Variants in PABPC4L observed in about 807,000 individuals in gnomAD.
PABPC4L encodes the protein polyadenylate-binding protein 4-like.
For synonymous variants in PABPC4L, 169 were observed against 164.1 expected (o/e 1.03, Z -0.23); for missense variants, 452 against 451.4 (o/e 1.00, Z -0.01).
rs1041109041 is a variant in PABPC4L, at chr4:134,200,221, T to G, written c.799A>C (p.Lys267Gln). ...GQLIFVGRAQKKVERQAELKQ... is the reference protein window; with the variant it reads ...GQLIFVGRAQQKVERQAELKQ... ...AACTCAGCCTGTCGCTCGACTTTCT[T>G]TTGAGCCCGGCCTACAAAAATCAGC... Residue 267 changes from lysine to glutamine, a missense_variant, in exon 2 of 2, where the codon AAG becomes CAG. Coordinates refer to ENST00000421491, the MANE Select transcript of PABPC4L (RefSeq NM_001114734.2). 1 of 1,551,922 alleles carries G rather than the reference T, an allele frequency of 6.4e-7. No individual in the cohort carries two copies. The highest frequency in any genetic ancestry group is 2.0e-5 in the Admixed American group (1 of 51,040).
the PABPC4L span, among the ~76,000 whole-genome samples, chr4:134,047,383 A>G: frequency 6.6e-6 from 1 of 152,078 alleles, no homozygotes; most frequent in Non-Finnish European, 1.5e-5. Flanking sequence ...ATACAAAAAG[A>G]GATGATGGAA....
chr4:134,132,577 A>T, the PABPC4L span, among the ~76,000 whole-genome samples: 2 of 151,908 alleles, frequency 1.3e-5, no homozygotes, highest in African/African-American at 4.8e-5. Flanking sequence ...GTTGGACTAG[A>T]TGTGGTAAAA....
the PABPC4L span, among the ~76,000 whole-genome samples, chr4:134,184,988 G>A: frequency 6.6e-6 from 1 of 151,928 alleles, no homozygotes; most frequent in East Asian, 1.9e-4. Flanking sequence ...TTCTTGAGAT[G>A]TCTTCTGCCT....
chr4:134,041,127 C>T, the PABPC4L span, among the ~76,000 whole-genome samples: 1 of 151,920 alleles, frequency 6.6e-6, no homozygotes, highest in African/African-American at 2.4e-5. Context: ...CTGTTGGTGG[C>T]AGTGTAAATT....
chr4:134,033,525 G>A, the PABPC4L span, among the ~76,000 whole-genome samples: 1 of 151,866 alleles, frequency 6.6e-6, no homozygotes, highest in Non-Finnish European at 1.5e-5. Context: ...GTACCAATTA[G>A]TAATTTGTAA....
the PABPC4L span, among the ~76,000 whole-genome samples, chr4:134,120,207 G>A: frequency 1.3e-5 from 2 of 149,234 alleles, no homozygotes; most frequent in Non-Finnish European, 3.0e-5. Flanking sequence ...TATGTGAAGG[G>A]TCCCCTAGCT....
At chr4:133,975,728 G>A in the PABPC4L span, among the ~76,000 whole-genome samples, 1 of 152,054 alleles carries the variant, frequency 6.6e-6, no homozygotes, top group Non-Finnish European at 1.5e-5. Context: ...CTCAGTTCGG[G>A]ACATAGTGAA....
chr4:134,150,349 G>GC, the PABPC4L span, among the ~76,000 whole-genome samples: 2 of 152,000 alleles, frequency 1.3e-5, no homozygotes, highest in East Asian at 3.9e-4. Flanking sequence ...CTCCCAAAGT[G>GC]CTGGGATTAC....
At chr4:134,178,759 T>C in the PABPC4L span, among the ~76,000 whole-genome samples, 4 of 152,092 alleles carry the variant, frequency 2.6e-5, no homozygotes, top group Non-Finnish European at 4.4e-5. Flanking sequence ...CAGTCTCAAG[T>C]ATTAACAGCA....
the PABPC4L span, among the ~76,000 whole-genome samples, chr4:133,967,395 G>A: frequency 1.3e-5 from 2 of 152,146 alleles, no homozygotes; most frequent in South Asian, 4.1e-4. Context: ...ATAAACATAT[G>A]AGTATGGAAC....
chr4:134,015,254 C>T, the PABPC4L span, among the ~76,000 whole-genome samples: 3 of 152,092 alleles, frequency 2.0e-5, 1 homozygote, highest in African/African-American at 4.8e-5. Context: ...TTACAATTCC[C>T]CCGTTTTACC....
At chr4:134,123,318 A>T in the PABPC4L span, among the ~76,000 whole-genome samples, 1 of 152,188 alleles carries the variant, frequency 6.6e-6, no homozygotes, top group Admixed American at 6.6e-5. Context: ...AGACAATTTT[A>T]AACAGAAAAA....
At chr4:133,976,074 C>A in the PABPC4L span, among the ~76,000 whole-genome samples, 2 of 152,084 alleles carry the variant, frequency 1.3e-5, no homozygotes, top group African/African-American at 4.8e-5. Flanking sequence ...TTAAGCCCAG[C>A]AAGCATTAGC....
chr4:134,031,759 T>C, the PABPC4L span, among the ~76,000 whole-genome samples: 1 of 151,892 alleles, frequency 6.6e-6, no homozygotes, highest in African/African-American at 2.4e-5. Context: ...TGGGGATATA[T>C]AACAATAATC....
the PABPC4L span, among the ~76,000 whole-genome samples, chr4:134,129,057 A>G: frequency 1.3e-5 from 2 of 152,168 alleles, 1 homozygote; most frequent in Non-Finnish European, 2.9e-5. Flanking sequence ...CTTTAATGCA[A>G]CAGAAGTTAA....
At chr4:133,995,872 A>G in the PABPC4L span, among the ~76,000 whole-genome samples, 13 of 152,182 alleles carry the variant, frequency 8.5e-5, no homozygotes, top group Non-Finnish European at 1.6e-4. Flanking sequence ...CCATGTGGGT[A>G]TATGGAAGTT....
chr4:134,113,117 TTG>T, the PABPC4L span, among the ~76,000 whole-genome samples: 1 of 152,002 alleles, frequency 6.6e-6, no homozygotes. Context: ...TACAGTCTGA[TTG>T]TGTTTTAAGC....
chr4:134,192,027 C>T (rs763789942), downstream of PABPC4L, among the ~76,000 whole-genome samples: 36 of 151,574 alleles, frequency 2.4e-4, 1 homozygote, highest in Non-Finnish European at 1.5e-4. Flanking sequence ...TTAATATAAC[C>T]GAGAGAACTG....
At chr4:133,967,609 A>T in the PABPC4L span, among the ~76,000 whole-genome samples, 1 of 152,336 alleles carries the variant, frequency 6.6e-6, no homozygotes, top group South Asian at 2.1e-4. Context: ...ACTGAACAAG[A>T]ATTGCTAGAG....
Sources: allele counts gnomAD v4.1 joint callset (sites outside exome capture counted in the v4.1 genomes callset), GRCh38; gene constraint gnomAD v4.1.1; transcripts MANE v1.5; gene names NCBI Gene and HGNC (gene_info 2026-07-23, HGNC 2026-07-21).